Variants in CDH12 observed in about 807,000 individuals in gnomAD.
The protein encoded by CDH12 is cadherin 12.
CDH12 carries 41 observed loss-of-function variants against 74.1 expected under a neutral mutation model. The observed-to-expected ratio is 0.55, with a 90% CI of 0.43 to 0.72. CDH12 has a LOEUF of 0.72. Among genes scored for constraint, CDH12 ranks in the 30% least tolerant of loss-of-function variants. The pLI is 0.00. For missense variants in CDH12, 945 were observed against 977.2 expected, an observed-to-expected ratio of 0.97 and a Z score of 0.44; for synonymous variants, 399 against 355.0, an observed-to-expected ratio of 1.12 and a Z score of -1.39.
At chr5:22,350,811 A>G (rs539703098) in intron 3 of CDH12, among the ~76,000 whole-genome samples, 1 of 152,320 alleles carries the variant, frequency 6.6e-6, no homozygotes, top group African/African-American at 2.4e-5. Context: ...AATCTAATTT[A>G]TTATTATCGA....
chr5:21,983,237 T>C (rs912947492), intron 5 of CDH12, among the ~76,000 whole-genome samples: 1 of 152,090 alleles, frequency 6.6e-6, no homozygotes. Context: ...TTAATTTTCA[T>C]GTGGGCATAT....
chr5:21,825,143 A>T (rs907650053), intron 8 of CDH12, among the ~76,000 whole-genome samples: 19 of 143,588 alleles, frequency 1.3e-4, no homozygotes, highest in African/African-American at 5.1e-4. Flanking sequence ...ACAGAGTGAG[A>T]CTCTATCTCA....
chr5:22,274,086 T>C (rs1736518972), intron 3 of CDH12, among the ~76,000 whole-genome samples: 1 of 152,194 alleles, frequency 6.6e-6, no homozygotes, highest in South Asian at 2.1e-4. Flanking sequence ...CACTGTGTTA[T>C]GCACATTATA....
At chr5:21,851,784 A>T (rs1750480548) in intron 7 of CDH12, among the ~76,000 whole-genome samples, 2 of 151,390 alleles carry the variant, frequency 1.3e-5, no homozygotes, top group South Asian at 4.1e-4. Flanking sequence ...TGAACTTGCC[A>T]TATCCACTTA....
Position 22,408,596 on chromosome 5 carries a change from A to G in CDH12, c.-427-3245T>C, listed in dbSNP as rs1218953283. Among the ~76,000 whole-genome samples, 4 of 149,994 alleles carry G rather than the reference A, an allele frequency of 2.7e-5. No homozygotes were observed. In the East Asian group the frequency reaches 7.8e-4, roughly 29 times the overall value. ...ATGCATATTATTATATATACTATAT[A>G]TACATTATATGTAATTGTAAATTAC... On this transcript the variant is annotated intron_variant, in intron 2 of 14. Transcript: ENST00000382254.
chr5:22,529,184 T>G lies in CDH12; in HGVS notation c.-522-23820A>C, dbSNP rs201011113. ...ACATGTGTATATATATATATATATA[T>G]ATATAGAGAGAGAGAGAGAGAGAGA... On this transcript the variant is annotated intron_variant, in intron 1 of 14. Coordinates refer to ENST00000382254, the MANE Select transcript of CDH12 (RefSeq NM_004061.5). Among the ~76,000 whole-genome samples, 689 of 83,634 alleles carry G rather than the reference T, an allele frequency of 8.2e-3. 6 individuals are homozygous for G. Among genetic ancestry groups the G allele is most frequent in the East Asian group, 0.016 (54 of 3,318 alleles). 54.9% of individuals were successfully genotyped at this position (83,634 alleles called of 152,430 possible).
At chr5:22,652,503 C>A (rs1739796312) in intron 1 of CDH12, among the ~76,000 whole-genome samples, 1 of 152,148 alleles carries the variant, frequency 6.6e-6, no homozygotes, top group Non-Finnish European at 1.5e-5. Context: ...CAACTTCAAA[C>A]AATTACATTA....
intron 2 of CDH12, 41 bp from the exon 3 acceptor site, chr5:22,405,392 A>G: frequency 2.2e-6 from 1 of 464,082 alleles, no homozygotes; most frequent in Non-Finnish European, 2.8e-6. Flanking sequence ...AATATGCAAG[A>G]CTCTCTGTAT....
At chr5:22,575,347 T>G (rs1739730799) in intron 1 of CDH12, among the ~76,000 whole-genome samples, 1 of 152,148 alleles carries the variant, frequency 6.6e-6, no homozygotes, top group Non-Finnish European at 1.5e-5. Flanking sequence ...TTTTGTGTAC[T>G]CTGGGCTGAG....
At chr5:22,745,165 A>G (rs1425579768) in intron 1 of CDH12, among the ~76,000 whole-genome samples, 1 of 152,096 alleles carries the variant, frequency 6.6e-6, no homozygotes, top group Non-Finnish European at 1.5e-5. Flanking sequence ...AAATCACGTC[A>G]TTCTTCAAAT....
intron 5 of CDH12, among the ~76,000 whole-genome samples, chr5:21,989,561 T>G (rs1408497923): frequency 2.0e-5 from 3 of 152,132 alleles, no homozygotes; most frequent in Non-Finnish European, 4.4e-5. Context: ...CCTGACTCAC[T>G]CTGTACCCCC....
At chr5:22,604,798 C>T (rs552531461) in intron 1 of CDH12, among the ~76,000 whole-genome samples, 2 of 152,248 alleles carry the variant, frequency 1.3e-5, no homozygotes, top group East Asian at 3.9e-4. Context: ...AGAAGGCACA[C>T]TTTGGGCTCT....
At chr5:22,772,207 A>G (rs1746841575) in intron 1 of CDH12, among the ~76,000 whole-genome samples, 1 of 152,212 alleles carries the variant, frequency 6.6e-6, no homozygotes, top group Middle Eastern at 3.4e-3. Context: ...TGAAATAAAA[A>G]TGGAACTGGC....
At chr5:22,688,142 A>G (rs923415936) in intron 1 of CDH12, among the ~76,000 whole-genome samples, 15 of 152,124 alleles carry the variant, frequency 9.9e-5, no homozygotes, top group Non-Finnish European at 4.4e-5. Context: ...GCGAGTAACA[A>G]CTGGCGTCCA....
intron 6 of CDH12, among the ~76,000 whole-genome samples, chr5:21,892,856 A>G (rs1752957261): frequency 6.6e-6 from 1 of 152,200 alleles, no homozygotes; most frequent in African/African-American, 2.4e-5. Flanking sequence ...CTAAGTATTG[A>G]CTCAATAATT....
At chr5:22,353,429 A>G (rs1740435592) in intron 3 of CDH12, among the ~76,000 whole-genome samples, 4 of 152,174 alleles carry the variant, frequency 2.6e-5, no homozygotes, top group African/African-American at 9.7e-5. Context: ...ATATTAATAC[A>G]CGATCTTATA....
At chr5:22,534,444 T>G (rs1388248853) in intron 1 of CDH12, among the ~76,000 whole-genome samples, 1 of 152,174 alleles carries the variant, frequency 6.6e-6, no homozygotes, top group African/African-American at 2.4e-5. Flanking sequence ...AGTGAGAACA[T>G]AAGATGTTTG....
At chr5:22,632,733 A>T (rs1470870600) in intron 1 of CDH12, among the ~76,000 whole-genome samples, 1 of 152,134 alleles carries the variant, frequency 6.6e-6, no homozygotes, top group East Asian at 1.9e-4. Context: ...TTGTAAGGAG[A>T]GAGAGAAATA....
intron 4 of CDH12, among the ~76,000 whole-genome samples, chr5:22,168,745 T>C (rs1212117469): frequency 1.3e-5 from 2 of 150,394 alleles, no homozygotes. Context: ...AGTTATGTTG[T>C]ACAATGTCTG....
Sources: gnomAD v4.1 joint callset for allele counts (sites outside exome capture counted in the v4.1 genomes callset) on GRCh38, gnomAD v4.1.1 for gene constraint, MANE v1.5 for transcripts, NCBI Gene and HGNC (gene_info 2026-07-23, HGNC 2026-07-21) for gene names.